The following ERC1 variants were observed in gnomAD, a reference collection of about 807,000 sequenced individuals.
ERC1 encodes ELKS/RAB6-interacting/CAST family member 1, also known as RAB6 interacting protein 2.
ERC1 carries 56 observed loss-of-function variants against 132.0 expected under a neutral mutation model. That is an observed-to-expected ratio of 0.42 (90% CI 0.34 to 0.53). The LOEUF (loss-of-function observed/expected upper bound fraction) is 0.53, where lower values mean the gene tolerates loss of function less well. Among genes scored for constraint, ERC1 ranks in the 20% least tolerant of loss-of-function variants. The pLI is 0.03. For synonymous variants in ERC1, 478 were observed against 476.1 expected, an observed-to-expected ratio of 1.00 and a Z score of -0.05; for missense variants, 1,202 against 1,349.9, an observed-to-expected ratio of 0.89 and a Z score of 1.72.
chr12:1,436,135 C>T (rs1053823821), intron 17 of ERC1, among the ~76,000 whole-genome samples: 61 of 150,510 alleles, frequency 4.1e-4, no homozygotes, highest in African/African-American at 8.3e-4. Flanking sequence ...TCCCCCAGCC[C>T]TTCCATGTAC....
At chr12:1,221,327 T>C (rs1347912193) in intron 12 of ERC1, among the ~76,000 whole-genome samples, 3 of 152,206 alleles carry the variant, frequency 2.0e-5, no homozygotes, top group African/African-American at 7.2e-5. Flanking sequence ...TCATCTCAGA[T>C]CTATGGAGTT....
chr12:1,051,768 A>G (rs1356278805), intron 2 of ERC1, among the ~76,000 whole-genome samples: 1 of 152,058 alleles, frequency 6.6e-6, no homozygotes, highest in Non-Finnish European at 1.5e-5. Flanking sequence ...GGATGTGGGC[A>G]GGGGGAGAGG....
At chr12:1,339,555 G>A (rs2083624994) in intron 15 of ERC1, among the ~76,000 whole-genome samples, 1 of 149,942 alleles carries the variant, frequency 6.7e-6, no homozygotes, top group Non-Finnish European at 1.5e-5. Flanking sequence ...TGCAGTGGCA[G>A]AGGCAGCTCA....
intron 16 of ERC1, among the ~76,000 whole-genome samples, chr12:1,392,318 C>A (rs1309759459): frequency 6.6e-6 from 1 of 152,152 alleles, no homozygotes; most frequent in Non-Finnish European, 1.5e-5. Context: ...GTGATCAGGC[C>A]TCAAGGGTGG....
chr12:1,035,944 TG>T (rs1968989569), intron 2 of ERC1, among the ~76,000 whole-genome samples: 1 of 147,832 alleles, frequency 6.8e-6, no homozygotes, highest in Admixed American at 6.6e-5. Flanking sequence ...ATACTTTGGA[TG>T]ATTTTTTTTT....
chr12:1,304,779 CTTTTTTTTTTT>C (rs1186965322), intron 15 of ERC1, among the ~76,000 whole-genome samples: 36 of 70,080 alleles, frequency 5.1e-4, no homozygotes, highest in East Asian at 2.8e-3. Flanking sequence ...TGTTGTAACT[CTTTTTTTTTTT>C]TTTTTTTTTT....
At chr12:1,035,761 A>C (rs1482980733) in intron 2 of ERC1, among the ~76,000 whole-genome samples, 2 of 152,028 alleles carry the variant, frequency 1.3e-5, no homozygotes, top group African/African-American at 2.4e-5. Context: ...TCTCTACTAA[A>C]AATACAAAAA....
At chr12:1,030,206 A>C (rs1267481506) in intron 2 of ERC1, among the ~76,000 whole-genome samples, 1 of 152,176 alleles carries the variant, frequency 6.6e-6, no homozygotes, top group Non-Finnish European at 1.5e-5. Context: ...GAGAATATGT[A>C]ATTAGCTACC....
intron 7 of ERC1, among the ~76,000 whole-genome samples, 179 bp from the exon 8 acceptor site, chr12:1,141,441 T>G (rs1949854574): frequency 6.6e-6 from 1 of 152,204 alleles, no homozygotes; most frequent in Admixed American, 6.5e-5. Flanking sequence ...TTGTAGAGAT[T>G]CCATTGTGTA....
At chr12:1,477,279 G>A (rs2093993367) in intron 18 of ERC1, among the ~76,000 whole-genome samples, 1 of 152,210 alleles carries the variant, frequency 6.6e-6, no homozygotes. Flanking sequence ...AATCACTAAA[G>A]CACTTAGAAT....
intron 2 of ERC1, among the ~76,000 whole-genome samples, chr12:1,048,105 G>A (rs1268071477): frequency 6.6e-6 from 1 of 152,170 alleles, no homozygotes; most frequent in Non-Finnish European, 1.5e-5. Context: ...ATACTAGAGG[G>A]CGTTGACTTT....
Position 1,440,640 on chromosome 12 carries a change from G to T in ERC1, c.3025-3922G>T, listed in dbSNP as rs1271255420. Among the ~76,000 whole-genome samples the T allele has an allele frequency of 1.2e-3, 165 of 133,072 alleles. 1 individual carries two copies. Among genetic ancestry groups the T allele is most frequent in the African/African-American group, 5.2e-3 (158 of 30,510 alleles). 87.3% of individuals were successfully genotyped at this position (133,072 alleles called of 152,430 possible). A position where few individuals can be genotyped will look rare whatever the true frequency, so the allele number is the denominator to read the frequency against. On this transcript the variant is annotated intron_variant, in intron 17 of 18. Coordinates refer to ENST00000360905, the MANE Select transcript of ERC1 (RefSeq NM_178040.4). ...TGTGTGTGTGTGTGTGTGTGTGTGTGTGTGTGTGTGTGTGTGTGTGTGTGT... is the reference window on the plus strand; with the variant it reads ...TGTGTGTGTGTGTGTGTGTGTGTGTTTGTGTGTGTGTGTGTGTGTGTGTGT...
intron 7 of ERC1, among the ~76,000 whole-genome samples, chr12:1,119,568 TGA>T (rs1412732220): frequency 0.14 from 385 of 2,736 alleles, 29 homozygotes; most frequent in African/African-American, 0.29. Flanking sequence ...TGTGTGTGTG[TGA>T]GATGGAGTTT....
chr12:1,050,623 A>T (rs560346128), intron 2 of ERC1, among the ~76,000 whole-genome samples: 6 of 152,314 alleles, frequency 3.9e-5, no homozygotes, highest in Non-Finnish European at 5.9e-5. Flanking sequence ...TTAGTAATTT[A>T]AAAAATTGAC....
chr12:1,097,123 C>T (rs754641730), intron 3 of ERC1, among the ~76,000 whole-genome samples: 2 of 151,962 alleles, frequency 1.3e-5, no homozygotes, highest in Admixed American at 1.3e-4. Context: ...TGGAGCATTT[C>T]TTGGCTTATT....
chr12:1,112,124 G>A, intron 5 of ERC1, 91 bp from the exon 6 acceptor site: 1 of 794,624 alleles, frequency 1.3e-6, no homozygotes, highest in South Asian at 1.5e-5. Flanking sequence ...ATAAGTTATT[G>A]TTATTTCTAG....
Position 1,279,983 on chromosome 12 carries a change from C to T in ERC1, c.2620-9869C>T, listed in dbSNP as rs374854136. Reference sequence around the variant, plus strand: ...TCCTGGGATGACAGATGTGAGCCACCGTGCCCGACCAGACATGTTTTTATA... The same window carrying T: ...TCCTGGGATGACAGATGTGAGCCACTGTGCCCGACCAGACATGTTTTTATA... On this transcript the variant is annotated intron_variant, in intron 14 of 18. Transcript: ENST00000360905. Among the ~76,000 whole-genome samples, 112 of 152,230 alleles carry T rather than the reference C, an allele frequency of 7.4e-4. 1 individual carries two copies. Among genetic ancestry groups the T allele is most frequent in the African/African-American group, 2.6e-3 (110 of 41,548 alleles).
At chr12:1,378,767 G>A (rs16928393) in intron 16 of ERC1, among the ~76,000 whole-genome samples, 61,478 of 151,904 alleles carry the variant, frequency 0.4, 13,651 homozygotes, top group African/African-American at 0.58. Flanking sequence ...ATTTTCTTAC[G>A]GAGTCAGGAA....
At chr12:1,322,197 A>G (rs760734689) in intron 15 of ERC1, among the ~76,000 whole-genome samples, 2 of 152,188 alleles carry the variant, frequency 1.3e-5, no homozygotes, top group Admixed American at 6.5e-5. Flanking sequence ...TAAAATGAGC[A>G]TAATAATAAC....
Sources: gnomAD v4.1 joint callset for allele counts (sites outside exome capture counted in the v4.1 genomes callset) on GRCh38, gnomAD v4.1.1 for gene constraint, MANE v1.5 for transcripts, NCBI Gene and HGNC (gene_info 2026-07-23, HGNC 2026-07-21) for gene names.